The following STX8 variants were observed in gnomAD, a reference collection of about 807,000 sequenced individuals.
The protein encoded by STX8 is syntaxin 8.
STX8 carries 23 observed loss-of-function variants against 37.5 expected under a neutral mutation model. The ratio of observed to expected loss-of-function variants is 0.61; its 90% CI spans 0.44 to 0.87. STX8 has a LOEUF of 0.87. STX8 is among the 40% of genes least tolerant of loss of function. STX8 has a pLI of 0.00. For missense variants in STX8, 313 were observed against 284.7 expected (o/e 1.10, Z -0.71); for synonymous variants, 115 against 99.1 (o/e 1.16, Z -0.95).
chr17:9,309,569 T>G (rs975912273), intron 7 of STX8, among the ~76,000 whole-genome samples: 1 of 152,182 alleles, frequency 6.6e-6, no homozygotes, highest in South Asian at 2.1e-4. Context: ...TGGCCCCTGA[T>G]AGTACACATT....
intron 7 of STX8, among the ~76,000 whole-genome samples, chr17:9,333,078 C>T (rs7213771): frequency 0.05 from 7,588 of 152,024 alleles, 623 homozygotes; most frequent in African/African-American, 0.17. Context: ...TTTAACTGTG[C>T]TTTCTTTTGG....
intron 7 of STX8, among the ~76,000 whole-genome samples, chr17:9,281,364 G>A (rs1907875940): frequency 6.6e-6 from 1 of 152,202 alleles, no homozygotes; most frequent in Non-Finnish European, 1.5e-5. Flanking sequence ...CCTGAGAAAT[G>A]GAGTGGTTGG....
chr17:9,395,758 T>C (rs886219600), intron 6 of STX8, among the ~76,000 whole-genome samples: 9 of 152,200 alleles, frequency 5.9e-5, no homozygotes, highest in African/African-American at 2.2e-4. Flanking sequence ...ATACCTTCTT[T>C]TCTCAACAGC....
At chr17:9,297,972 G>A (rs913430574) in intron 7 of STX8, among the ~76,000 whole-genome samples, 61 of 152,194 alleles carry the variant, frequency 4.0e-4, no homozygotes, top group African/African-American at 1.3e-3. Flanking sequence ...CCTAGCAAGG[G>A]TGGACCAAGT....
chr17:9,369,120 T>C (rs1289929159), intron 7 of STX8, among the ~76,000 whole-genome samples: 2 of 152,150 alleles, frequency 1.3e-5, no homozygotes, highest in African/African-American at 4.8e-5. Context: ...CCTAGCCCAG[T>C]ACCTGGCACA....
chr17:9,359,289 G>T (rs11868237), intron 7 of STX8, among the ~76,000 whole-genome samples: 5,716 of 152,050 alleles, frequency 0.038, 354 homozygotes, highest in African/African-American at 0.13. Context: ...GTGGAACTAA[G>T]GCTCTTGAGC....
At chr17:9,534,128 A>T (rs1474264030) in intron 4 of STX8, among the ~76,000 whole-genome samples, 1 of 152,226 alleles carries the variant, frequency 6.6e-6, no homozygotes, top group African/African-American at 2.4e-5. Flanking sequence ...GCTATTAGAG[A>T]ATTAAGAAAA....
intron 6 of STX8, among the ~76,000 whole-genome samples, chr17:9,397,875 G>A (rs1336134865): frequency 6.6e-6 from 1 of 150,664 alleles, no homozygotes; most frequent in African/African-American, 2.4e-5. Flanking sequence ...GTAATATCAG[G>A]TACTCAGGAA....
At chr17:9,548,272 T>G (rs997642513) in intron 3 of STX8, among the ~76,000 whole-genome samples, 1 of 151,896 alleles carries the variant, frequency 6.6e-6, no homozygotes, top group African/African-American at 2.4e-5. Flanking sequence ...GCCCAGCTAA[T>G]TTTTGTGTTT....
At position 9,250,595 on chromosome 17, in the gene STX8, C is replaced by T. The variant is rs754941654; in HGVS notation, c.694G>A (p.Val232Ile). Residue 232 changes from valine to isoleucine, a missense_variant, in exon 8 of 8, where the codon GTC (valine) becomes ATC (isoleucine). Transcript: ENST00000306357. ...LLLVAIVVVA[V>I]WPTN is the part of the protein sequence containing the mutation. Reference sequence around the variant, plus strand: ...TACTGCCATCAGTTGGTCGGCCAGACTGCAACAACCACGATAGCCACAAGC... The same window carrying T: ...TACTGCCATCAGTTGGTCGGCCAGATTGCAACAACCACGATAGCCACAAGC... The T allele has an allele frequency of 1.1e-5, 17 of 1,597,878 alleles. 2 individuals are homozygous for T. In the South Asian group the frequency reaches 1.9e-4, roughly 18 times the overall value.
chr17:9,523,243 C>A (rs1326230735), intron 4 of STX8, among the ~76,000 whole-genome samples: 2 of 147,260 alleles, frequency 1.4e-5, no homozygotes, highest in Non-Finnish European at 1.5e-5. Flanking sequence ...ACCCAGGAGG[C>A]AGAGGTTGCA....
intron 6 of STX8, among the ~76,000 whole-genome samples, chr17:9,394,983 G>A (rs73257848): frequency 0.31 from 46,226 of 150,876 alleles, 8,362 homozygotes; most frequent in African/African-American, 0.51. Context: ...GGCTGAGGTA[G>A]GAGAATCACT....
chr17:9,280,153 A>G lies in STX8; in HGVS notation c.644-29508T>C, dbSNP rs80039409. ...GAGAATTGCTCGAGCCTGGCTGGTC[A>G]AGGCAGCAGTGAGCTGAGATCATGC... On this transcript the variant is annotated intron_variant, in intron 7 of 7. Transcript: ENST00000306357. 4.2e-3 allele frequency among the ~76,000 whole-genome samples: 636 copies of G among 152,322 alleles called. 4 individuals carry two copies. Among genetic ancestry groups the G allele is most frequent in the African/African-American group, 0.014 (600 of 41,584 alleles).
chr17:9,506,421 A>ACCCCCCCC (rs67803513), intron 4 of STX8, among the ~76,000 whole-genome samples: 1 of 32,238 alleles, frequency 3.1e-5, no homozygotes, highest in African/African-American at 1.0e-4. Flanking sequence ...CCCCCCCCCC[A>ACCCCCCCC]CCCACCTTTC....
intron 7 of STX8, among the ~76,000 whole-genome samples, chr17:9,329,527 A>G (rs996960963): frequency 6.6e-6 from 1 of 152,226 alleles, no homozygotes; most frequent in Admixed American, 6.5e-5. Flanking sequence ...TTAAGAGCAG[A>G]AAGACCCAAT....
At chr17:9,338,868 G>A (rs1209819130) in intron 7 of STX8, among the ~76,000 whole-genome samples, 5 of 151,932 alleles carry the variant, frequency 3.3e-5, no homozygotes, top group African/African-American at 1.2e-4. Context: ...TCAGGAGATC[G>A]AGACCATCCT....
At chr17:9,286,411 T>C (rs1445739822) in intron 7 of STX8, among the ~76,000 whole-genome samples, 1 of 152,204 alleles carries the variant, frequency 6.6e-6, no homozygotes, top group African/African-American at 2.4e-5. Flanking sequence ...AAAAAAATAT[T>C]GTCTTGAACA....
intron 7 of STX8, among the ~76,000 whole-genome samples, chr17:9,368,420 C>CA (rs1159571845): frequency 1.3e-5 from 2 of 152,254 alleles, no homozygotes; most frequent in East Asian, 3.9e-4. Context: ...AGGAGAATGG[C>CA]ATGAACCCAG....
Position 9,378,642 on chromosome 17 carries a change from C to A in STX8, c.553G>T (p.Asp185Tyr). ...ELDEQNEIIDDLANLVENTDE... is the reference protein window; with the variant it reads ...ELDEQNEIIDYLANLVENTDE... ...GTGTTCTCCACTAGGTTGGCAAGGT[C>A]GTCAATTATCTCTAGAAAGGAAACA... Residue 185 changes from aspartate to tyrosine, a missense_variant, in exon 7 of 8, where the codon GAC (aspartate) becomes TAC (tyrosine). By Grantham distance (160) the Asp-to-Tyr change is radical. Coordinates refer to ENST00000306357, the MANE Select transcript of STX8 (RefSeq NM_004853.3). The A allele has an allele frequency of 6.2e-7, 1 of 1,613,018 alleles. No homozygotes were observed. Among genetic ancestry groups the A allele is most frequent in the South Asian group, 1.1e-5 (1 of 91,022 alleles).
Sources: gnomAD v4.1 joint callset for allele counts (sites outside exome capture counted in the v4.1 genomes callset) on GRCh38, gnomAD v4.1.1 for gene constraint, MANE v1.5 for transcripts, NCBI Gene and HGNC (gene_info 2026-07-23, HGNC 2026-07-21) for gene names.